Variants in SOX5 observed in about 807,000 individuals in gnomAD.
The protein encoded by SOX5 is SRY-box transcription factor 5, also known as transcription factor SOX-5.
In SOX5, 9 loss-of-function variants were observed where a neutral mutation model predicts 92.0. The ratio of observed to expected loss-of-function variants is 0.10; its 90% CI spans 0.06 to 0.17. The LOEUF (loss-of-function observed/expected upper bound fraction) is 0.17, where lower values mean the gene tolerates loss of function less well. Among genes scored for constraint, SOX5 ranks in the 10% least tolerant of loss-of-function variants. The pLI, the probability that SOX5 is intolerant of heterozygous loss-of-function variation, is 1.00. For missense variants in SOX5, 642 were observed against 944.5 expected (o/e 0.68, Z 4.20); for synonymous variants, 344 against 336.3 (o/e 1.02, Z -0.25).
chr12:23,625,510 CA>C (rs1455713558), intron 8 of SOX5, among the ~76,000 whole-genome samples: 1 of 152,098 alleles, frequency 6.6e-6, no homozygotes, highest in Non-Finnish European at 1.5e-5. Context: ...CTTTGATATC[CA>C]CCATCCTTGC....
chr12:23,948,782 C>A (rs1945035790), intron 1 of SOX5, among the ~76,000 whole-genome samples: 2 of 152,114 alleles, frequency 1.3e-5, no homozygotes, highest in South Asian at 4.1e-4. Flanking sequence ...CCCTGCTTTA[C>A]TTGCAACAAC....
At chr12:24,236,771 G>T (rs1964586362) in intron 3 of SOX5, among the ~76,000 whole-genome samples, 1 of 152,234 alleles carries the variant, frequency 6.6e-6, no homozygotes, top group South Asian at 2.1e-4. Context: ...TAACCACAGG[G>T]ATTCTAGCCT....
chr12:24,220,824 T>C (rs1022488018), intron 3 of SOX5, among the ~76,000 whole-genome samples: 6 of 152,174 alleles, frequency 3.9e-5, no homozygotes, highest in Admixed American at 1.3e-4. Flanking sequence ...ATAACCAAAC[T>C]CATAGAGTCA....
intron 4 of SOX5, among the ~76,000 whole-genome samples, chr12:24,049,744 GATA>G (rs2137105820): frequency 7.1e-6 from 1 of 141,808 alleles, no homozygotes; most frequent in Admixed American, 7.7e-5. Flanking sequence ...GTTCTCTGGA[GATA>G]ATGTCACATT....
At chr12:23,595,241 G>T (rs1952182625) in intron 9 of SOX5, among the ~76,000 whole-genome samples, 1 of 152,086 alleles carries the variant, frequency 6.6e-6, no homozygotes, top group African/African-American at 2.4e-5. Context: ...AATGAAAAAA[G>T]AGCAGAGCTA....
chr12:24,435,157 A>G (rs1053831167), intron 1 of SOX5, among the ~76,000 whole-genome samples: 1 of 152,226 alleles, frequency 6.6e-6, no homozygotes, highest in South Asian at 2.1e-4. Context: ...AGGGAAAAAA[A>G]GTATACAGAG....
chr12:23,988,095 T>G (rs1950219948), intron 4 of SOX5, among the ~76,000 whole-genome samples: 1 of 152,102 alleles, frequency 6.6e-6, no homozygotes, highest in African/African-American at 2.4e-5. Flanking sequence ...AATGGAAGAA[T>G]AAAAGATAAA....
At chr12:23,815,582 A>G (rs2095974922) in intron 3 of SOX5, among the ~76,000 whole-genome samples, 1 of 152,212 alleles carries the variant, frequency 6.6e-6, no homozygotes, top group Non-Finnish European at 1.5e-5. Flanking sequence ...AAAACTTTTT[A>G]AAGTAATTAT....
chr12:23,837,274 T>TATTTATATTTATATAATATATAA, intron 3 of SOX5, among the ~76,000 whole-genome samples: 9 of 52,774 alleles, frequency 1.7e-4, no homozygotes, highest in Non-Finnish European at 3.5e-4. Flanking sequence ...ATATATAATA[T>TATTTATATTTATATAATATATAA]GTATTTATAT....
intron 1 of SOX5, among the ~76,000 whole-genome samples, chr12:24,433,544 T>A (rs2137078660): frequency 6.6e-6 from 1 of 152,342 alleles, no homozygotes; most frequent in East Asian, 1.9e-4. Flanking sequence ...AATGCTTTGA[T>A]GTTGTAAATG....
intron 4 of SOX5, among the ~76,000 whole-genome samples, chr12:24,183,394 G>C (rs532485435): frequency 6.6e-6 from 1 of 152,032 alleles, no homozygotes; most frequent in African/African-American, 2.4e-5. Flanking sequence ...GACTGCAAAG[G>C]TTTTCCTGTC....
At chr12:24,467,887 A>G (rs918871479) in intron 1 of SOX5, among the ~76,000 whole-genome samples, 5 of 152,192 alleles carry the variant, frequency 3.3e-5, no homozygotes, top group Admixed American at 1.3e-4. Flanking sequence ...CTCCATGCCA[A>G]CTAGTGGGCT....
intron 3 of SOX5, among the ~76,000 whole-genome samples, chr12:24,253,582 A>G (rs1225017797): frequency 6.6e-6 from 1 of 152,228 alleles, no homozygotes; most frequent in Non-Finnish European, 1.5e-5. Context: ...AAACCCCCAT[A>G]TAAATATCTT....
chr12:24,520,472 A>T (rs1950170788), intron 1 of SOX5, among the ~76,000 whole-genome samples: 1 of 151,668 alleles, frequency 6.6e-6, no homozygotes, highest in Admixed American at 6.6e-5. Flanking sequence ...AAAGAAAAAA[A>T]ATCTATAATA....
intron 1 of SOX5, among the ~76,000 whole-genome samples, chr12:24,478,040 T>C (rs547277708): frequency 6.6e-6 from 1 of 152,310 alleles, no homozygotes; most frequent in Admixed American, 6.5e-5. Context: ...AAAATCAATA[T>C]AATTCAATAT....
At chr12:23,834,851 G>C (rs1206561493) in intron 3 of SOX5, among the ~76,000 whole-genome samples, 1 of 151,814 alleles carries the variant, frequency 6.6e-6, no homozygotes, top group Admixed American at 6.6e-5. Flanking sequence ...AAACTTAACT[G>C]TGTGAATAAG....
rs896514281 is a variant in SOX5 at position 24,257,477 on chromosome 12, G to T, written c.-77+19739C>A. On this transcript the variant is annotated intron_variant, in intron 3 of 4. Transcript: ENST00000446891. The stretch of plus-strand genomic sequence containing the variant: ...GGGGTCTTTTTGTTTGTTTTGTTTT[G>T]TTTTTTTCTGAAACAGAATCTTGCT... Among the ~76,000 whole-genome samples, 5 of 151,586 alleles carry T rather than the reference G, an allele frequency of 3.3e-5. No individual in the cohort carries two copies. In the East Asian group the frequency reaches 5.9e-4, roughly 18 times the overall value.
chr12:24,062,392 A>T (rs1288802220), intron 4 of SOX5, among the ~76,000 whole-genome samples: 1 of 152,232 alleles, frequency 6.6e-6, no homozygotes, highest in Non-Finnish European at 1.5e-5. Context: ...ATGTGATATA[A>T]GGACAATGTA....
At chr12:24,177,438 G>C (rs868598645) in intron 4 of SOX5, among the ~76,000 whole-genome samples, 13 of 152,122 alleles carry the variant, frequency 8.5e-5, no homozygotes, top group Non-Finnish European at 1.6e-4. Context: ...GATACTTTAT[G>C]GGGTATTGTC....
Sources: gnomAD v4.1 joint callset for allele counts (sites outside exome capture counted in the v4.1 genomes callset) on GRCh38, gnomAD v4.1.1 for gene constraint, MANE v1.5 for transcripts, NCBI Gene and HGNC (gene_info 2026-07-23, HGNC 2026-07-21) for gene names.